DBR1: variants seen among roughly 807,000 people sequenced by gnomAD.
DBR1 encodes the protein debranching RNA lariats 1.
DBR1 carries 33 observed loss-of-function variants against 45.9 expected under a neutral mutation model. That is an observed-to-expected ratio of 0.72 (90% CI 0.55 to 0.96). The LOEUF (loss-of-function observed/expected upper bound fraction) is 0.96, where lower values mean the gene tolerates loss of function less well. DBR1 is among the 40% of genes least tolerant of loss of function. DBR1 has a pLI of 0.00. For synonymous variants in DBR1, 235 were observed against 235.9 expected, an observed-to-expected ratio of 1.00 and a Z score of 0.04; for missense variants, 619 against 667.4, an observed-to-expected ratio of 0.93 and a Z score of 0.80.
intron 4 of DBR1, among the ~76,000 whole-genome samples, chr3:138,169,087 A>C (rs1368586465): frequency 6.6e-6 from 1 of 152,250 alleles, no homozygotes; most frequent in East Asian, 1.9e-4. Context: ...ACAGGGCATA[A>C]AAGAAACACT....
At position 138,163,995 on chromosome 3, in the gene DBR1, C is replaced by A; in HGVS notation, c.715-137G>T. The A allele has an allele frequency of 5.5e-6, 3 of 544,508 alleles. No homozygotes were observed. In the South Asian group the frequency reaches 8.6e-5, roughly 16 times the overall value. 33.7% of individuals were successfully genotyped at this position (544,508 alleles called of 1,614,324 possible). The stretch of plus-strand genomic sequence containing the variant: ...TGTCAAAGGAATGACTGTTACTTTT[C>A]CAAAATTAAGTTAATTCTATACCCA... On this transcript the variant is annotated intron_variant, in intron 5 of 7. Coordinates refer to ENST00000260803, the MANE Select transcript of DBR1 (RefSeq NM_016216.4).
chr3:138,172,208 A>T (rs1163152085), intron 2 of DBR1, among the ~76,000 whole-genome samples: 1 of 152,242 alleles, frequency 6.6e-6, no homozygotes, highest in East Asian at 1.9e-4. Context: ...AGTAAGTAGC[A>T]AAGTAGGGAA....
intron 1 of DBR1, among the ~76,000 whole-genome samples, chr3:138,174,157 C>T (rs940638618): frequency 1.3e-5 from 2 of 152,048 alleles, no homozygotes; most frequent in African/African-American, 2.4e-5. Context: ...ATTGCCATAA[C>T]CTCATCTTCT....
In DBR1 at chr3:138,161,829, A is replaced by T; in HGVS notation, c.*60T>A. 1 of 1,323,252 alleles carries T rather than the reference A, an allele frequency of 7.6e-7. No homozygotes were observed. The highest frequency in any genetic ancestry group is 1.1e-6 in the Non-Finnish European group (1 of 927,720). 82.0% of individuals were successfully genotyped at this position (1,323,252 alleles called of 1,614,324 possible). ...CCATTGCACTCCAGTCTAGGTGACA[A>T]GAGTGAAACTCCATCTCAAAAAAAC... On this transcript the variant is annotated 3_prime_UTR_variant, in exon 8 of 8. Coordinates refer to ENST00000260803, the MANE Select transcript of DBR1 (RefSeq NM_016216.4).
intron 4 of DBR1, among the ~76,000 whole-genome samples, chr3:138,168,782 C>T (rs2042941731): frequency 6.6e-6 from 1 of 152,118 alleles, no homozygotes; most frequent in Non-Finnish European, 1.5e-5. Context: ...CATGGCGAAA[C>T]TCTGTCTCTA....
chr3:138,173,332 T>C (rs111934034), intron 2 of DBR1, among the ~76,000 whole-genome samples, 170 bp downstream of exon 2: 2,350 of 152,324 alleles, frequency 0.015, 60 homozygotes, highest in African/African-American at 0.053. Flanking sequence ...CATATTTTCA[T>C]GATCAACCAT....
chr3:138,170,088 TA>T lies in DBR1; in HGVS notation c.489+18del. Reference sequence around the variant, plus strand: ...CTTTAAAATGTTTTCAAGTCTGCTGTAATGCGCTTTTTACGTACCTGTTTTA... The same window carrying T: ...CTTTAAAATGTTTTCAAGTCTGCTGTATGCGCTTTTTACGTACCTGTTTTA... On this transcript the variant is annotated intron_variant, in intron 4 of 7. Transcript: ENST00000260803. The T allele has an allele frequency of 6.9e-7, 1 of 1,449,794 alleles. No individual in the cohort carries two copies. Among genetic ancestry groups the T allele is most frequent in the Middle Eastern group, 2.0e-4 (1 of 5,010 alleles). The allele number at this position is 1,449,794 out of a possible 1,614,324, so 89.8% of individuals were successfully genotyped here. A position where few individuals can be genotyped will look rare whatever the true frequency, so the allele number is the denominator to read the frequency against.
In DBR1 at chr3:138,163,741, G is replaced by A. The variant is rs748093704; in HGVS notation, c.795+37C>T. On this transcript the variant is annotated intron_variant, in intron 6 of 7. Coordinates refer to ENST00000260803, the MANE Select transcript of DBR1 (RefSeq NM_016216.4). ...TATATTTTTTTAAGTCTCTGGAAGA[G>A]TACAACTATATTATAAAGCCACTTC... 1.6e-5 allele frequency: 23 copies of A among 1,479,896 alleles called. No homozygotes were observed. The Middle Eastern group carries it at 7.0e-4, about 45-fold the overall frequency. 91.7% of individuals were successfully genotyped at this position (1,479,896 alleles called of 1,614,324 possible). A position where few individuals can be genotyped will look rare whatever the true frequency, so the allele number is the denominator to read the frequency against.
chr3:138,169,896 G>A (rs557975338), intron 4 of DBR1, among the ~76,000 whole-genome samples: 4 of 151,838 alleles, frequency 2.6e-5, no homozygotes, highest in Non-Finnish European at 5.9e-5. Flanking sequence ...TCGCGCCACT[G>A]CACTTCAGCC....
In DBR1 at chr3:138,161,752, A is replaced by T. The variant is rs2042908137; in HGVS notation, c.*137T>A. Reference sequence around the variant, plus strand: ...TCCCACCTACTTGGGAGGCTGAGGCAGGAGAATTGCTTGAACCTGGGAGGC... The same window carrying T: ...TCCCACCTACTTGGGAGGCTGAGGCTGGAGAATTGCTTGAACCTGGGAGGC... On this transcript the variant is annotated 3_prime_UTR_variant, in exon 8 of 8. Transcript: ENST00000260803. The T allele has an allele frequency of 5.9e-6, 4 of 680,648 alleles. No individual in the cohort carries two copies. The East Asian group carries it at 1.1e-4, about 19-fold the overall frequency. The allele number at this position is 680,648 out of a possible 1,614,324, so 42.2% of individuals were successfully genotyped here. A position where few individuals can be genotyped will look rare whatever the true frequency, so the allele number is the denominator to read the frequency against.
At position 138,173,491 on chromosome 3, in the gene DBR1, C is replaced by A; in HGVS notation, c.322+11G>T. ...CAGGAAAAAAAAGTATCCACAAACA[C>A]AATCACATACCTAAATAATAAATGT... On this transcript the variant is annotated intron_variant, in intron 2 of 7. Coordinates refer to ENST00000260803, the MANE Select transcript of DBR1 (RefSeq NM_016216.4). The A allele has an allele frequency of 6.2e-7, 1 of 1,613,036 alleles. No individual in the cohort carries two copies. Among genetic ancestry groups the A allele is most frequent in the Non-Finnish European group, 8.5e-7 (1 of 1,179,408 alleles).
chr3:138,173,866 G>A (rs1268530615), intron 1 of DBR1, among the ~76,000 whole-genome samples: 1 of 151,732 alleles, frequency 6.6e-6, no homozygotes, highest in African/African-American at 2.4e-5. Context: ...GTGAAACCCC[G>A]TCTCTACTAA....
chr3:138,167,361 C>T, intron 4 of DBR1, 56 bp from the exon 5 acceptor site: 2 of 1,188,290 alleles, frequency 1.7e-6, no homozygotes, highest in Non-Finnish European at 2.4e-6. Flanking sequence ...TTAACCAAAA[C>T]AATCCCCTCC....
chr3:138,163,807 T>C lies in DBR1; in HGVS notation c.766A>G (p.Lys256Glu), dbSNP rs1553742906. Residue 256 changes from lysine to glutamate, a missense_variant, in exon 6 of 8, where the codon AAA (lysine) becomes GAA (glutamate). This residue lies in a region of DBR1 where 430 missense variants were observed against 447.7 expected (regional missense o/e 0.96). Coordinates refer to ENST00000260803, the MANE Select transcript of DBR1 (RefSeq NM_016216.4). ...AGAAAATCTCTATGTGGTAAGCATT[T>C]GTCCAAGGCTAAAAATTTGGTTGCT... ...ARATKFLALD[K>E]CLPHRDFLQI... 7 of 1,612,914 alleles carry C rather than the reference T, an allele frequency of 4.3e-6. No individual in the cohort carries two copies. The highest frequency in any genetic ancestry group is 5.9e-6 in the Non-Finnish European group (7 of 1,179,362).
rs754271435 is a variant in DBR1 at position 138,162,412 on chromosome 3, C to G, written c.1112G>C (p.Cys371Ser). 6.2e-7 allele frequency: 1 copy of G among 1,614,006 alleles called. No individual in the cohort carries two copies. Among genetic ancestry groups the G allele is most frequent in the Non-Finnish European group, 8.5e-7 (1 of 1,180,046 alleles). ...HRINPQTTEF[C>S]AQLGIIDINV... Reference sequence around the variant, plus strand: ...GATGTCTATGATGCCAAGTTGGGCACAAAATTCAGTTGTCTGAGGATTGAT... The same window carrying G: ...GATGTCTATGATGCCAAGTTGGGCAGAAAATTCAGTTGTCTGAGGATTGAT... Residue 371 changes from cysteine to serine, a missense_variant, in exon 8 of 8, where the codon TGT becomes TCT. Physicochemically the swap from Cys to Ser is moderately radical, Grantham distance 112. This residue lies in a region of DBR1 where 7 missense variants were observed against 23.6 expected (regional missense o/e 0.30). Coordinates refer to ENST00000260803, the MANE Select transcript of DBR1 (RefSeq NM_016216.4).
chr3:138,174,007 C>G (rs1232190618), intron 1 of DBR1, among the ~76,000 whole-genome samples: 4 of 129,766 alleles, frequency 3.1e-5, no homozygotes, highest in African/African-American at 1.2e-4. Flanking sequence ...GGCAACAAAG[C>G]GAAACTCTGT....
intron 5 of DBR1, among the ~76,000 whole-genome samples, chr3:138,166,561 T>C (rs779918566): frequency 2.0e-5 from 3 of 152,190 alleles, no homozygotes; most frequent in Non-Finnish European, 4.4e-5. Flanking sequence ...CGTTCTGAAA[T>C]GAAAATCTGA....
intron 2 of DBR1, 51 bp from the exon 3 acceptor site, chr3:138,171,764 C>G (rs764599407): frequency 4.6e-6 from 6 of 1,298,424 alleles, no homozygotes; most frequent in Non-Finnish European, 6.7e-6. Flanking sequence ...AATCTCTACA[C>G]CGACTGAATA....
Position 138,174,637 on chromosome 3 carries a change from G to C in DBR1, c.159C>G (p.Ala53=). Residue 53 remains alanine (A), a synonymous_variant, in exon 1 of 8, where the codon GCC becomes GCG. Coordinates refer to ENST00000260803, the MANE Select transcript of DBR1 (RefSeq NM_016216.4). ...GCATGTGACGATACTTGGGCGGCAC[G>C]GCCATGCAGCGTAGATCCGCCTCGT... The part of the protein sequence containing the change: ...VRNEADLRCM[A]VPPKYRHMQT... 6.2e-7 allele frequency: 1 copy of C among 1,604,144 alleles called. No homozygotes were observed. The highest frequency in any genetic ancestry group is 8.5e-7 in the Non-Finnish European group (1 of 1,173,540).
Sources: gnomAD v4.1 joint callset for allele counts (sites outside exome capture counted in the v4.1 genomes callset) on GRCh38, gnomAD v4.1.1 for gene constraint, gnomAD v4.1.1 regional missense constraint, MANE v1.5 for transcripts, NCBI Gene and HGNC (gene_info 2026-07-23, HGNC 2026-07-21) for gene names.